DIP2C: variants seen among roughly 807,000 people sequenced by gnomAD.
DIP2C encodes DIP2 acetate--CoA ligase C (putative), also known as disco-interacting protein 2 homolog C.
DIP2C carries 33 observed loss-of-function variants against 192.4 expected under a neutral mutation model. That is an observed-to-expected ratio of 0.17 (90% confidence interval 0.13 to 0.23). The LOEUF is 0.23. DIP2C is among the 10% of genes least tolerant of loss of function. DIP2C has a pLI of 1.00. For synonymous variants in DIP2C, 979 were observed against 864.1 expected (o/e 1.13, Z -2.33); for missense variants, 1,537 against 2,110.1 (o/e 0.73, Z 5.32).
At chr10:670,961 AC>A (rs1485801627) in intron 1 of DIP2C, among the ~76,000 whole-genome samples, 4 of 152,236 alleles carry the variant, frequency 2.6e-5, no homozygotes, top group Admixed American at 2.6e-4. Flanking sequence ...TCATTTCAAA[AC>A]CGTTTCCTAC....
chr10:583,952 A>C (rs1424751712), intron 1 of DIP2C, among the ~76,000 whole-genome samples: 1 of 152,146 alleles, frequency 6.6e-6, no homozygotes, highest in Non-Finnish European at 1.5e-5. Flanking sequence ...TTGAGCAGCC[A>C]CAAATGTGAA....
intron 30 of DIP2C, among the ~76,000 whole-genome samples, chr10:328,716 G>A (rs117101917): frequency 9.9e-4 from 151 of 152,276 alleles, no homozygotes; most frequent in South Asian, 2.1e-3. Flanking sequence ...GTACTGTTCC[G>A]TTATTGATCT....
intron 9 of DIP2C, 128 bp from the exon 10 acceptor site, chr10:399,347 T>C (rs1482105190): frequency 1.5e-6 from 1 of 658,970 alleles, no homozygotes; most frequent in Non-Finnish European, 2.7e-6. Context: ...AAAATGCATT[T>C]CAGTAAGCTG....
chr10:586,902 G>A (rs919953957), intron 1 of DIP2C, among the ~76,000 whole-genome samples: 3 of 152,212 alleles, frequency 2.0e-5, no homozygotes, highest in African/African-American at 7.2e-5. Context: ...TGAGTTCTAA[G>A]GCCAGACCAC....
chr10:336,218 A>G (rs1347230577), intron 29 of DIP2C, among the ~76,000 whole-genome samples: 2 of 152,172 alleles, frequency 1.3e-5, no homozygotes, highest in Non-Finnish European at 2.9e-5. Context: ...AAAAATTTAA[A>G]AATCAGCATC....
At chr10:395,315 TGA>T (rs1411668639) in intron 10 of DIP2C, among the ~76,000 whole-genome samples, 5 of 152,104 alleles carry the variant, frequency 3.3e-5, no homozygotes, top group Non-Finnish European at 7.4e-5. Context: ...CCATAAAAAA[TGA>T]GAGGTAAGCA....
chr10:353,846 GTTTC>G (rs898775618), intron 24 of DIP2C, among the ~76,000 whole-genome samples: 6 of 152,328 alleles, frequency 3.9e-5, no homozygotes, highest in Admixed American at 1.3e-4. Flanking sequence ...CGAATTTCAT[GTTTC>G]TTCTTCCTTT....
chr10:521,401 C>T (rs924309432), intron 1 of DIP2C, among the ~76,000 whole-genome samples: 4 of 152,160 alleles, frequency 2.6e-5, no homozygotes, highest in African/African-American at 4.8e-5. Context: ...AAGGAAAACT[C>T]GTCAAAAAAT....
At chr10:464,035 A>T (rs1429954020) in intron 3 of DIP2C, among the ~76,000 whole-genome samples, 1 of 152,248 alleles carries the variant, frequency 6.6e-6, no homozygotes, top group African/African-American at 2.4e-5. Flanking sequence ...GTAAAACCAT[A>T]AAAACTCTAC....
intron 1 of DIP2C, among the ~76,000 whole-genome samples, chr10:637,633 C>T (rs1451001214): frequency 3.3e-5 from 5 of 152,322 alleles, no homozygotes; most frequent in South Asian, 2.1e-4. Flanking sequence ...CCATCTCCTC[C>T]GGGGTGAGGA....
intron 24 of DIP2C, among the ~76,000 whole-genome samples, chr10:349,841 C>T (rs935863598): frequency 2.0e-5 from 3 of 152,066 alleles, no homozygotes; most frequent in African/African-American, 4.8e-5. Flanking sequence ...ACCTGCACAT[C>T]GGAAGACTAA....
At chr10:300,485 G>A (rs1386206544) in intron 32 of DIP2C, among the ~76,000 whole-genome samples, 2 of 152,188 alleles carry the variant, frequency 1.3e-5, no homozygotes, top group Non-Finnish European at 2.9e-5. Flanking sequence ...ACCAGGGGCC[G>A]AGAAAAGAGG....
At chr10:318,481 A>C (rs1956871204) in intron 31 of DIP2C, among the ~76,000 whole-genome samples, 1 of 152,232 alleles carries the variant, frequency 6.6e-6, no homozygotes, top group South Asian at 2.1e-4. Flanking sequence ...GCAGACTTCA[A>C]GGTGTGGTGT....
In DIP2C at chr10:387,727, CG is replaced by C. The variant is rs1349636958; in HGVS notation, c.1662+17del. The stretch of plus-strand genomic sequence containing the variant: ...GGACTCCTTTGTGGACAGACACGGC[CG>C]GGGGGACCTCACTTACTGTCAGGAT... On this transcript the variant is annotated intron_variant, in intron 14 of 36. Coordinates refer to ENST00000280886, the MANE Select transcript of DIP2C (RefSeq NM_014974.3). 1.9e-6 allele frequency: 3 copies of C among 1,613,346 alleles called. No homozygotes were observed. Among genetic ancestry groups the C allele is most frequent in the African/African-American group, 1.3e-5 (1 of 74,710 alleles).
chr10:304,943 C>A (rs1036408225), intron 32 of DIP2C, among the ~76,000 whole-genome samples: 1 of 152,176 alleles, frequency 6.6e-6, no homozygotes, highest in East Asian at 1.9e-4. Context: ...TTTGTATGCA[C>A]ACACACGACA....
At chr10:501,619 C>T (rs954661368) in intron 1 of DIP2C, among the ~76,000 whole-genome samples, 3 of 151,864 alleles carry the variant, frequency 2.0e-5, no homozygotes, top group Non-Finnish European at 4.4e-5. Flanking sequence ...CAAAACCGAT[C>T]GAAGAATATG....
At chr10:482,916 G>A (rs750805901) in intron 2 of DIP2C, among the ~76,000 whole-genome samples, 190 of 152,300 alleles carry the variant, frequency 1.2e-3, no homozygotes, top group African/African-American at 2.8e-3. Context: ...CCTAAGCAGC[G>A]TCTTCTCCCT....
At chr10:552,716 G>A (rs952211775) in intron 1 of DIP2C, among the ~76,000 whole-genome samples, 2 of 152,194 alleles carry the variant, frequency 1.3e-5, no homozygotes, top group Non-Finnish European at 2.9e-5. Flanking sequence ...CAGGTGTGGT[G>A]GTGGCACCTG....
rs865869558 is a variant in DIP2C at position 580,142 on chromosome 10, C to T, written c.86-93612G>A. On this transcript the variant is annotated intron_variant, in intron 1 of 36. Coordinates refer to ENST00000280886, the MANE Select transcript of DIP2C (RefSeq NM_014974.3). Reference sequence around the variant, plus strand: ...CATCTATATACATGCATATAGTGTACACATATCCGATGTACAGTGCACTAC... The same window carrying T: ...CATCTATATACATGCATATAGTGTATACATATCCGATGTACAGTGCACTAC... Among the ~76,000 whole-genome samples the T allele has an allele frequency of 9.9e-5, 15 of 152,088 alleles. 1 individual carries two copies. The highest frequency in any genetic ancestry group is 3.3e-4 in the Admixed American group (5 of 15,268).
Sources: allele counts gnomAD v4.1 joint callset (sites outside exome capture counted in the v4.1 genomes callset), GRCh38; gene constraint gnomAD v4.1.1; transcripts MANE v1.5; gene names NCBI Gene and HGNC (gene_info 2026-07-23, HGNC 2026-07-21).